The following HYCC2 variants were observed in gnomAD, a reference collection of about 807,000 sequenced individuals.
The protein encoded by HYCC2 is hyccin PI4KA lipid kinase complex subunit 2, also known as hyccin 2.
At chr2:201,061,914 T>C in the HYCC2 span, among the ~76,000 whole-genome samples, 1 of 151,760 alleles carries the variant, frequency 6.6e-6, no homozygotes, top group African/African-American at 2.4e-5. Context: ...GAGACCAGCC[T>C]GAGCAACAAA....
chr2:201,065,260 G>A, the HYCC2 span, among the ~76,000 whole-genome samples: 1 of 152,152 alleles, frequency 6.6e-6, no homozygotes, highest in African/African-American at 2.4e-5. Flanking sequence ...ACCCATTCAA[G>A]TTGTTACATT....
the HYCC2 span, chr2:200,981,470 C>T: frequency 1.2e-6 from 2 of 1,614,076 alleles, no homozygotes; most frequent in African/African-American, 1.3e-5. The surrounding 1 kb of genome is among the most constrained non-coding windows in gnomAD (Gnocchi z 4.5). Flanking sequence ...CTGGTACTTG[C>T]TTGACTGCCA....
chr2:201,017,656 G>A, the HYCC2 span, among the ~76,000 whole-genome samples: 1 of 152,074 alleles, frequency 6.6e-6, no homozygotes, highest in Non-Finnish European at 1.5e-5. Flanking sequence ...TCATGCTGTT[G>A]GGCAAAGCAA....
At chr2:200,984,401 G>A in the HYCC2 span, among the ~76,000 whole-genome samples, 1 of 152,174 alleles carries the variant, frequency 6.6e-6, no homozygotes, top group Non-Finnish European at 1.5e-5. Flanking sequence ...TTGACAATCA[G>A]GAGAAAAGTA....
the HYCC2 span, among the ~76,000 whole-genome samples, chr2:201,069,192 A>G: frequency 6.6e-6 from 1 of 152,198 alleles, no homozygotes; most frequent in Non-Finnish European, 1.5e-5. Context: ...CTGTATTGCA[A>G]ATAATCAAAC....
the HYCC2 span, among the ~76,000 whole-genome samples, chr2:201,042,157 C>T: frequency 6.6e-6 from 1 of 152,348 alleles, no homozygotes; most frequent in African/African-American, 2.4e-5. Flanking sequence ...AGGGTTTCGC[C>T]GTGTTGGCCG....
chr2:200,994,113 T>A, the HYCC2 span, among the ~76,000 whole-genome samples: 2 of 152,200 alleles, frequency 1.3e-5, no homozygotes, highest in East Asian at 3.8e-4. Context: ...GTTTCTTCAT[T>A]TATTCCTCAA....
the HYCC2 span, chr2:200,976,411 A>T: frequency 6.6e-6 from 1 of 152,230 alleles, no homozygotes; most frequent in East Asian, 1.9e-4. Context: ...TTTGTAATAA[A>T]TAGGGGACTA....
At chr2:201,028,343 T>C in the HYCC2 span, among the ~76,000 whole-genome samples, 7 of 152,164 alleles carry the variant, frequency 4.6e-5, no homozygotes, top group Non-Finnish European at 8.8e-5. Context: ...ACATTCCATG[T>C]TCATGGACAG....
At chr2:200,994,284 TG>T in the HYCC2 span, among the ~76,000 whole-genome samples, 1 of 152,144 alleles carries the variant, frequency 6.6e-6, no homozygotes. Flanking sequence ...CCGCGCAGAC[TG>T]GAAGTACAGT....
chr2:200,975,982 A>G, the HYCC2 span: 47 of 152,080 alleles, frequency 3.1e-4, no homozygotes, highest in African/African-American at 1.1e-3. Flanking sequence ...GGCAGGGAAA[A>G]CTGTACCAAT....
At chr2:201,025,924 G>T in the HYCC2 span, among the ~76,000 whole-genome samples, 1 of 151,968 alleles carries the variant, frequency 6.6e-6, no homozygotes, top group South Asian at 2.1e-4. Flanking sequence ...AATTAGCTGG[G>T]TGCGCTAATA....
the HYCC2 span, among the ~76,000 whole-genome samples, chr2:201,035,578 G>A: frequency 5.3e-5 from 8 of 152,072 alleles, no homozygotes; most frequent in African/African-American, 1.2e-4. Flanking sequence ...TAGTCTGATC[G>A]TCTGAAGCCT....
At chr2:201,017,892 T>G in the HYCC2 span, among the ~76,000 whole-genome samples, 1 of 152,222 alleles carries the variant, frequency 6.6e-6, no homozygotes, top group Non-Finnish European at 1.5e-5. Flanking sequence ...ATGAAATTTA[T>G]TAAAGCATCC....
chr2:201,051,487 T>A, the HYCC2 span, among the ~76,000 whole-genome samples: 1 of 151,974 alleles, frequency 6.6e-6, no homozygotes. Context: ...TTAAAATAAG[T>A]GAATTTATCT....
the HYCC2 span, chr2:200,981,935 C>T: frequency 4.0e-5 from 60 of 1,512,316 alleles, no homozygotes; most frequent in Middle Eastern, 1.8e-4. The surrounding 1 kb of genome is among the most constrained non-coding windows in gnomAD (Gnocchi z 4.5). Context: ...CTGTGAATAA[C>T]AACACTGACC....
chr2:201,061,824 G>A, the HYCC2 span, among the ~76,000 whole-genome samples: 1 of 152,048 alleles, frequency 6.6e-6, no homozygotes, highest in Admixed American at 6.6e-5. Context: ...TACACATTCT[G>A]GCCAGGTGCA....
chr2:200,976,994 A>C, the HYCC2 span: 1 of 152,236 alleles, frequency 6.6e-6, no homozygotes, highest in Non-Finnish European at 1.5e-5. Context: ...AAGCCATTTC[A>C]CAGGGTTTAT....
chr2:201,048,444 G>A, the HYCC2 span, among the ~76,000 whole-genome samples: 5 of 150,926 alleles, frequency 3.3e-5, no homozygotes, highest in Non-Finnish European at 5.9e-5. Context: ...AATATGGCCC[G>A]ACACAAATTT....
Sources: gnomAD v4.1 joint callset for allele counts (sites outside exome capture counted in the v4.1 genomes callset) on GRCh38, gnomAD v4.1.1 for gene constraint, Gnocchi (gnomAD v3.1) non-coding constraint, MANE v1.5 for transcripts, NCBI Gene and HGNC (gene_info 2026-07-23, HGNC 2026-07-21) for gene names.